Variants in CDK8 observed in about 807,000 individuals in gnomAD.
The protein encoded by CDK8 is cyclin-dependent kinase 8.
Under a neutral mutation model 71.5 loss-of-function variants are expected in CDK8, and 29 were observed. The observed-to-expected ratio is 0.41, with a 90% CI of 0.30 to 0.55. The LOEUF is 0.55. CDK8 is among the 20% of genes least tolerant of loss of function. The pLI, the probability that CDK8 is intolerant of heterozygous loss-of-function variation, is 0.37. For missense variants in CDK8, 288 were observed against 572.6 expected (o/e 0.50, Z 5.07); for synonymous variants, 161 against 192.1 (o/e 0.84, Z 1.34).
intron 4 of CDK8, among the ~76,000 whole-genome samples, chr13:26,373,627 G>C (rs1431955968): frequency 6.6e-6 from 1 of 152,054 alleles, no homozygotes; most frequent in Non-Finnish European, 1.5e-5. Flanking sequence ...AAGGTCAACT[G>C]TTATGTAGTC....
chr13:26,271,116 G>T (rs929852147), intron 1 of CDK8, among the ~76,000 whole-genome samples: 1 of 152,110 alleles, frequency 6.6e-6, no homozygotes, highest in Non-Finnish European at 1.5e-5. Context: ...ATGTATCTTT[G>T]TGGGAAAATA....
At chr13:26,349,778 TGTTATTA>T (rs369010948) in intron 3 of CDK8, among the ~76,000 whole-genome samples, 8,971 of 152,218 alleles carry the variant, frequency 0.059, 881 homozygotes, top group African/African-American at 0.2. Context: ...TGTAGGAAAC[TGTTATTA>T]ATTATTAACT....
chr13:26,367,817 T>C (rs574173037), intron 4 of CDK8, among the ~76,000 whole-genome samples: 4 of 152,324 alleles, frequency 2.6e-5, no homozygotes, highest in East Asian at 3.9e-4. Context: ...TGAGACCTTA[T>C]TGGAATTCAA....
chr13:26,377,041 C>A (rs1169770505), intron 4 of CDK8, among the ~76,000 whole-genome samples: 1 of 152,176 alleles, frequency 6.6e-6, no homozygotes, highest in Non-Finnish European at 1.5e-5. Context: ...GAAGTTAGTC[C>A]TTGTTTTATA....
intron 2 of CDK8, among the ~76,000 whole-genome samples, chr13:26,342,866 T>C (rs992295035): frequency 6.6e-6 from 1 of 152,236 alleles, no homozygotes; most frequent in Non-Finnish European, 1.5e-5. Flanking sequence ...TGTTTTCTTA[T>C]AGTTGTGGAG....
intron 1 of CDK8, among the ~76,000 whole-genome samples, chr13:26,277,668 G>C (rs1238987844): frequency 6.6e-6 from 1 of 152,144 alleles, no homozygotes; most frequent in African/African-American, 2.4e-5. Context: ...AGTTGAACTT[G>C]TTTTTAAATC....
At chr13:26,350,057 G>A (rs1873623251) in intron 3 of CDK8, among the ~76,000 whole-genome samples, 1 of 152,136 alleles carries the variant, frequency 6.6e-6, no homozygotes, top group Non-Finnish European at 1.5e-5. Flanking sequence ...GGAGCAGGAG[G>A]CTATAACATA....
At position 26,404,113 on chromosome 13, in the gene CDK8, C is replaced by T. The variant is rs747709993; in HGVS notation, c.*32C>T. ...TCGGAATCTTGTCCATGCACTGTTGCGAATGCTGCAGGGCTGACTGTGCAG... is the reference window on the plus strand; with the variant it reads ...TCGGAATCTTGTCCATGCACTGTTGTGAATGCTGCAGGGCTGACTGTGCAG... On this transcript the variant is annotated 3_prime_UTR_variant, in exon 13 of 13. Transcript: ENST00000381527. 3.0e-5 allele frequency: 49 copies of T among 1,611,340 alleles called. No individual in the cohort carries two copies. The highest frequency in any genetic ancestry group is 4.5e-5 in the East Asian group (2 of 44,870).
At chr13:26,373,694 A>C (rs1306777043) in intron 4 of CDK8, among the ~76,000 whole-genome samples, 2 of 152,190 alleles carry the variant, frequency 1.3e-5, no homozygotes, top group African/African-American at 2.4e-5. Context: ...AAAGCAGACT[A>C]TAAAATACTG....
intron 4 of CDK8, among the ~76,000 whole-genome samples, chr13:26,381,005 G>C (rs1207641127): frequency 1.3e-5 from 2 of 152,178 alleles, no homozygotes; most frequent in Non-Finnish European, 2.9e-5. Context: ...CTAAGCAAGA[G>C]AGTAACATAA....
chr13:26,350,824 T>A (rs1326901090), intron 3 of CDK8, among the ~76,000 whole-genome samples: 1 of 152,170 alleles, frequency 6.6e-6, no homozygotes, highest in Non-Finnish European at 1.5e-5. Context: ...CTTGTCTGAG[T>A]AGCTGAAATA....
At chr13:26,402,548 G>A (rs1197395493) in intron 12 of CDK8, among the ~76,000 whole-genome samples, 1 of 152,202 alleles carries the variant, frequency 6.6e-6, no homozygotes, top group African/African-American at 2.4e-5. Context: ...TCAGAATTAG[G>A]TATTAACTCT....
intron 1 of CDK8, among the ~76,000 whole-genome samples, chr13:26,303,786 G>T (rs1311233511): frequency 6.6e-6 from 1 of 152,112 alleles, no homozygotes; most frequent in Non-Finnish European, 1.5e-5. Context: ...CAGTTACTGA[G>T]TAATTTTTTA....
In CDK8 at chr13:26,370,924, A is replaced by G. The variant is rs572389758; in HGVS notation, c.457-11890A>G. On this transcript the variant is annotated intron_variant, in intron 4 of 12. Coordinates refer to ENST00000381527, the MANE Select transcript of CDK8 (RefSeq NM_001260.3). ...TTTCTGTGTTTTGATTTTCTATAAG[A>G]AATGTTTATTTTTGTTTAATTTTTT... is the stretch of plus-strand genomic sequence containing the variant. 1.2e-4 allele frequency among the ~76,000 whole-genome samples: 18 copies of G among 152,276 alleles called. No homozygotes were observed. In the South Asian group the frequency reaches 3.5e-3, roughly 30 times the overall value.
chr13:26,255,030 C>A (rs1871457273), intron 1 of CDK8, among the ~76,000 whole-genome samples: 1 of 152,120 alleles, frequency 6.6e-6, no homozygotes, highest in Non-Finnish European at 1.5e-5. Flanking sequence ...GTATACTTTT[C>A]AAGGATTTCA....
intron 4 of CDK8, among the ~76,000 whole-genome samples, chr13:26,368,263 C>CT (rs1874485362): frequency 6.6e-6 from 1 of 152,136 alleles, no homozygotes; most frequent in Admixed American, 6.6e-5. Context: ...GCAGAAACTC[C>CT]CCAGTGATCT....
In CDK8 at chr13:26,254,380, C is replaced by G; in HGVS notation, c.-262C>G. 1 of 339,092 alleles carries G rather than the reference C, an allele frequency of 2.9e-6. No homozygotes were observed. The highest frequency in any genetic ancestry group is 5.5e-6 in the Non-Finnish European group (1 of 181,600). 21.0% of individuals were successfully genotyped at this position (339,092 alleles called of 1,614,324 possible). On this transcript the variant is annotated 5_prime_UTR_variant, in exon 1 of 13. Transcript: ENST00000381527. The surrounding 1 kb of genome is among the most constrained non-coding windows in gnomAD (Gnocchi z 6.7). ...AGAGACACCGCTCCCCACCCCCAGC[C>G]CTCGTCCCTCGGCTCTCCTTCGCCG...
At chr13:26,379,391 G>A (rs1048257292) in intron 4 of CDK8, among the ~76,000 whole-genome samples, 3 of 152,116 alleles carry the variant, frequency 2.0e-5, no homozygotes, top group Non-Finnish European at 4.4e-5. Context: ...TACTAGGTCG[G>A]ACCTTGACAA....
chr13:26,383,634 A>G (rs547351748), intron 5 of CDK8, among the ~76,000 whole-genome samples: 1 of 152,316 alleles, frequency 6.6e-6, no homozygotes, highest in South Asian at 2.1e-4. Context: ...GTTAATAGCA[A>G]CTTCTGATCA....
Sources: allele counts gnomAD v4.1 joint callset (sites outside exome capture counted in the v4.1 genomes callset), GRCh38; gene constraint gnomAD v4.1.1; non-coding constraint Gnocchi (gnomAD v3.1); transcripts MANE v1.5; gene names NCBI Gene and HGNC (gene_info 2026-07-23, HGNC 2026-07-21).